Variants in TBC1D19 observed in about 807,000 individuals in gnomAD.
TBC1D19 encodes the protein TBC1 domain family, member 19.
Under a neutral mutation model 89.0 loss-of-function variants are expected in TBC1D19, and 60 were observed. That is an observed-to-expected ratio of 0.67 (90% CI 0.55 to 0.84). The LOEUF is 0.84. TBC1D19 is among the 40% of genes least tolerant of loss of function. The pLI is 0.00. For missense variants in TBC1D19, 500 were observed against 610.8 expected (o/e 0.82, Z 1.91); for synonymous variants, 189 against 199.7 (o/e 0.95, Z 0.45).
chr4:26,644,811 T>C (rs1265557027), intron 7 of TBC1D19, among the ~76,000 whole-genome samples: 4 of 152,180 alleles, frequency 2.6e-5, no homozygotes, highest in Non-Finnish European at 4.4e-5. Context: ...ATGAGTGAAC[T>C]CCCATTTACA....
chr4:26,801,184 G>A, the TBC1D19 span, among the ~76,000 whole-genome samples: 2 of 152,084 alleles, frequency 1.3e-5, no homozygotes, highest in Non-Finnish European at 1.5e-5. Context: ...TAATTTTAGT[G>A]TAAGGTGTAA....
the TBC1D19 span, among the ~76,000 whole-genome samples, chr4:26,786,069 T>C: frequency 6.6e-6 from 1 of 152,210 alleles, no homozygotes; most frequent in South Asian, 2.1e-4. Context: ...CAAAAGGTTT[T>C]GAAAGAGTTT....
chr4:26,720,803 A>G (rs1045475473), intron 15 of TBC1D19, among the ~76,000 whole-genome samples: 1 of 152,102 alleles, frequency 6.6e-6, no homozygotes, highest in East Asian at 1.9e-4. Context: ...TTATCCTATG[A>G]CCTTAAGTAA....
At chr4:26,843,738 G>T in the TBC1D19 span, among the ~76,000 whole-genome samples, 52 of 152,198 alleles carry the variant, frequency 3.4e-4, no homozygotes, top group African/African-American at 1.2e-3. Flanking sequence ...AATTTACAAA[G>T]AAAAGAGGTT....
Position 26,638,764 on chromosome 4 carries a change from T to A in TBC1D19, c.370-7T>A. On this transcript the variant is annotated splice_polypyrimidine_tract_variant and splice_region_variant and intron_variant, in intron 5 of 20. Transcript: ENST00000264866. ...AATGAAACCAGTTTCAAAATTACCT[T>A]TTCCAGAGGCCAGTTGGAGAACAGA... The A allele has an allele frequency of 6.2e-7, 1 of 1,603,952 alleles. No homozygotes were observed. Among genetic ancestry groups the A allele is most frequent in the Non-Finnish European group, 8.5e-7 (1 of 1,177,296 alleles).
At chr4:26,680,260 A>G (rs955657894) in intron 11 of TBC1D19, among the ~76,000 whole-genome samples, 1 of 152,196 alleles carries the variant, frequency 6.6e-6, no homozygotes, top group African/African-American at 2.4e-5. Context: ...TACATCTGAT[A>G]TCTCAGCTCT....
chr4:26,673,687 C>A, intron 10 of TBC1D19, 89 bp from the exon 11 acceptor site: 1 of 838,606 alleles, frequency 1.2e-6, no homozygotes, highest in Non-Finnish European at 2.0e-6. Context: ...GACTGAATAT[C>A]AGCTTCCCAA....
At chr4:26,847,003 G>C in the TBC1D19 span, among the ~76,000 whole-genome samples, 1 of 152,088 alleles carries the variant, frequency 6.6e-6, no homozygotes, top group East Asian at 1.9e-4. Flanking sequence ...TCAGTAACCT[G>C]CCACTTGATC....
chr4:26,691,410 T>C (rs1714273214), intron 13 of TBC1D19, among the ~76,000 whole-genome samples: 2 of 152,188 alleles, frequency 1.3e-5, no homozygotes, highest in African/African-American at 2.4e-5. Context: ...AAATATTTTG[T>C]GAAAGGAAGA....
chr4:26,832,197 G>C, the TBC1D19 span, among the ~76,000 whole-genome samples: 3,289 of 152,254 alleles, frequency 0.022, 132 homozygotes, highest in East Asian at 0.16. Flanking sequence ...GTCTTTTCAT[G>C]CAACTCAAGG....
At chr4:26,621,613 C>G (rs550192316) in intron 4 of TBC1D19, among the ~76,000 whole-genome samples, 193 of 152,030 alleles carry the variant, frequency 1.3e-3, no homozygotes, top group African/African-American at 4.2e-3. Flanking sequence ...CTTTTTTCGA[C>G]TTTTATTTTT....
the TBC1D19 span, among the ~76,000 whole-genome samples, chr4:26,786,868 C>T: frequency 1.3e-5 from 2 of 152,050 alleles, no homozygotes; most frequent in Admixed American, 1.3e-4. Context: ...TGGGTGGGTG[C>T]ATGAGTGCAG....
chr4:26,854,815 A>C, the TBC1D19 span, among the ~76,000 whole-genome samples: 2 of 149,710 alleles, frequency 1.3e-5, no homozygotes, highest in Admixed American at 6.7e-5. Flanking sequence ...GCAGGTGGAC[A>C]GTGGCACCCA....
At chr4:26,711,909 G>A (rs906484190) in intron 13 of TBC1D19, among the ~76,000 whole-genome samples, 6 of 151,992 alleles carry the variant, frequency 3.9e-5, no homozygotes, top group African/African-American at 9.7e-5. Flanking sequence ...ACACCAGTAC[G>A]TACTGTCTAA....
At chr4:26,626,565 G>A (rs1414071803) in intron 4 of TBC1D19, among the ~76,000 whole-genome samples, 1 of 152,128 alleles carries the variant, frequency 6.6e-6, no homozygotes, top group Non-Finnish European at 1.5e-5. Context: ...AACCTGGTCA[G>A]CCTGGCTCCA....
intron 19 of TBC1D19, among the ~76,000 whole-genome samples, chr4:26,751,924 A>G (rs1471129454): frequency 3.9e-5 from 6 of 152,184 alleles, no homozygotes; most frequent in African/African-American, 1.4e-4. Context: ...ACAGATTTTC[A>G]TGTCAGAGAT....
intron 18 of TBC1D19, among the ~76,000 whole-genome samples, chr4:26,745,848 A>G (rs1718620356): frequency 6.6e-6 from 1 of 151,992 alleles, no homozygotes; most frequent in Non-Finnish European, 1.5e-5. Flanking sequence ...CTACCTTCAA[A>G]TAAACTTCAG....
intron 4 of TBC1D19, among the ~76,000 whole-genome samples, chr4:26,629,932 G>A (rs992442375): frequency 6.6e-6 from 1 of 151,524 alleles, no homozygotes; most frequent in African/African-American, 2.4e-5. Context: ...TTTGTTTGAT[G>A]TATTATTTTT....
At chr4:26,750,185 C>A (rs920682179) in intron 19 of TBC1D19, among the ~76,000 whole-genome samples, 3 of 152,234 alleles carry the variant, frequency 2.0e-5, no homozygotes, top group South Asian at 2.1e-4. Flanking sequence ...TTCGCCTCTC[C>A]CCAAAGTCTT....
Sources: gnomAD v4.1 joint callset for allele counts (sites outside exome capture counted in the v4.1 genomes callset) on GRCh38, gnomAD v4.1.1 for gene constraint, MANE v1.5 for transcripts, NCBI Gene and HGNC (gene_info 2026-07-23, HGNC 2026-07-21) for gene names.